Variants in KCNV1 observed in about 807,000 individuals in gnomAD.
KCNV1 encodes potassium voltage-gated channel modifier subfamily V member 1.
KCNV1 carries 2 observed loss-of-function variants against 36.4 expected under a neutral mutation model. The ratio of observed to expected loss-of-function variants is 0.05; its 90% CI spans 0.02 to 0.17. The LOEUF (loss-of-function observed/expected upper bound fraction) is 0.17. KCNV1 is among the 10% of genes least tolerant of loss of function. The probability of loss-of-function intolerance (pLI) is 1.00; values close to 1 mark genes in which losing one functional copy is unlikely to be tolerated. For synonymous variants in KCNV1, 280 were observed against 261.1 expected (o/e 1.07, Z -0.70); for missense variants, 321 against 643.6 (o/e 0.50, Z 5.42).
intron 2 of KCNV1, 24 bp downstream of exon 2, chr8:109,973,904 A>G: frequency 1.9e-6 from 3 of 1,543,464 alleles, no homozygotes; most frequent in Non-Finnish European, 2.6e-6. Context: ...CTCCCCGCCC[A>G]GCCGCCGCGT....
chr8:109,974,425 A>G lies in KCNV1; in HGVS notation c.-37T>C. ...TCGCCGCGGCCTGAGGGCGCCACAA[A>G]GTTGGGGACACGCCGGAAGCTTTGG... On this transcript the variant is annotated 5_prime_UTR_variant, in exon 2 of 4. Coordinates refer to ENST00000524391, the MANE Select transcript of KCNV1 (RefSeq NM_014379.4). This position sits in a 1 kb window ranked among gnomAD's most constrained non-coding sequence, Gnocchi z 6.2. 7.2e-7 allele frequency: 1 copy of G among 1,384,080 alleles called. No homozygotes were observed. The highest frequency in any genetic ancestry group is 9.5e-7 in the Non-Finnish European group (1 of 1,050,272). The allele number at this position is 1,384,080 out of a possible 1,614,324, so 85.7% of individuals were successfully genotyped here.
At position 109,967,838 on chromosome 8, in the gene KCNV1, A is replaced by C. The variant is rs930240904; in HGVS notation, c.*250T>G. 5.3e-6 allele frequency: 2 copies of C among 380,288 alleles called. No homozygotes were observed. The highest frequency in any genetic ancestry group is 9.5e-6 in the Non-Finnish European group (2 of 211,300). The allele number at this position is 380,288 out of a possible 1,614,324, so 23.6% of individuals were successfully genotyped here. ...TTATTTTATATTTGACAATTCAAACATGTTTATATTGGCCCAGTTGTATTT... is the reference window on the plus strand; with the variant it reads ...TTATTTTATATTTGACAATTCAAACCTGTTTATATTGGCCCAGTTGTATTT... On this transcript the variant is annotated 3_prime_UTR_variant, in exon 4 of 4. Transcript: ENST00000524391.
In KCNV1 at chr8:109,967,254, C is replaced by T. The variant is rs148937775; in HGVS notation, c.*834G>A. On this transcript the variant is annotated 3_prime_UTR_variant, in exon 4 of 4. Coordinates refer to ENST00000524391, the MANE Select transcript of KCNV1 (RefSeq NM_014379.4). ...TTCCAGTGTAGAAATTTAGGATGTT[C>T]ACTACCTCACTTTTACATATTCATT... 6.6e-6 allele frequency: 1 copy of T among 152,260 alleles called. No homozygotes were observed. Among genetic ancestry groups the T allele is most frequent in the African/African-American group, 2.4e-5 (1 of 41,564 alleles). The allele number at this position is 152,260 out of a possible 1,614,324, so 9.4% of individuals were successfully genotyped here. A position where few individuals can be genotyped will look rare whatever the true frequency, so the allele number is the denominator to read the frequency against.
intron 3 of KCNV1, among the ~76,000 whole-genome samples, chr8:109,969,852 G>GAAAAAAAAAAAAAAAAAAAA (rs199693742): frequency 1.2e-5 from 1 of 86,492 alleles, no homozygotes; most frequent in African/African-American, 3.5e-5. Flanking sequence ...CTCAAAAAAA[G>GAAAAAAAAAAAAAAAAAAAA]AAAAAAAAAA....
chr8:109,973,750 G>C (rs1042658114), intron 2 of KCNV1, among the ~76,000 whole-genome samples, 178 bp downstream of exon 2: 1 of 152,104 alleles, frequency 6.6e-6, no homozygotes, highest in Admixed American at 6.5e-5. Flanking sequence ...TCAAAAGTTG[G>C]CGTTGATGCT....
At chr8:109,971,540 T>C (rs967817002) in intron 3 of KCNV1, among the ~76,000 whole-genome samples, 4 of 152,166 alleles carry the variant, frequency 2.6e-5, no homozygotes, top group African/African-American at 4.8e-5. Context: ...GTGTGTTATA[T>C]GGAGACTTTT....
rs1156256211 is a variant in KCNV1, at chr8:109,965,459, T to G, written c.*2629A>C. 6.6e-6 allele frequency: 1 copy of G among 152,158 alleles called. No homozygotes were observed. Among genetic ancestry groups the G allele is most frequent in the Non-Finnish European group, 1.5e-5 (1 of 68,026 alleles). The allele number at this position is 152,158 out of a possible 1,614,324, so 9.4% of individuals were successfully genotyped here. Reference sequence around the variant, plus strand: ...CATTCATTGAATAAATAAAATGATATTTTATTTAACAGCAAAATTGAGTAA... The same window carrying G: ...CATTCATTGAATAAATAAAATGATAGTTTATTTAACAGCAAAATTGAGTAA... On this transcript the variant is annotated 3_prime_UTR_variant, in exon 4 of 4. Coordinates refer to ENST00000524391, the MANE Select transcript of KCNV1 (RefSeq NM_014379.4).
In KCNV1 at chr8:109,966,930, A is replaced by C. The variant is rs1016168460; in HGVS notation, c.*1158T>G. 3 of 152,198 alleles carry C rather than the reference A, an allele frequency of 2.0e-5. No homozygotes were observed. Among genetic ancestry groups the C allele is most frequent in the Non-Finnish European group, 2.9e-5 (2 of 68,002 alleles). The allele number at this position is 152,198 out of a possible 1,614,324, so 9.4% of individuals were successfully genotyped here. On this transcript the variant is annotated 3_prime_UTR_variant, in exon 4 of 4. Coordinates refer to ENST00000524391, the MANE Select transcript of KCNV1 (RefSeq NM_014379.4). ...TATTATATTGGAAATGTAGGTATTAAAGTGATGCATTCCTTGTTATTCTTA... is the reference window on the plus strand; with the variant it reads ...TATTATATTGGAAATGTAGGTATTACAGTGATGCATTCCTTGTTATTCTTA...
Position 109,968,347 on chromosome 8 carries a change from G to A in KCNV1, c.1244C>T (p.Ser415Leu). 2 of 1,614,154 alleles carry A rather than the reference G, an allele frequency of 1.2e-6. No homozygotes were observed. Among genetic ancestry groups the A allele is most frequent in the Non-Finnish European group, 1.7e-6 (2 of 1,180,036 alleles). ...AGGCAAGGCCAAGACAAGAATTCCC[G>A]ATAATATACACATGAAGGCCACGAT... Reference protein sequence around the residue: ...GKIVAFMCILSGILVLALPIA... With the variant: ...GKIVAFMCILLGILVLALPIA... The change falls in exon 4 of 4, where the codon TCG becomes TTG. Residue 415 changes from serine to leucine, a missense_variant. This residue lies in a region of KCNV1 where 36 missense variants were observed against 130.5 expected (regional missense o/e 0.28). Coordinates refer to ENST00000524391, the MANE Select transcript of KCNV1 (RefSeq NM_014379.4). The surrounding 1 kb of genome is among the most constrained non-coding windows in gnomAD (Gnocchi z 5.3).
At chr8:109,975,370 C>T (rs1170897231) in intron 1 of KCNV1, among the ~76,000 whole-genome samples, 178 bp from the exon 2 acceptor site, 1 of 152,114 alleles carries the variant, frequency 6.6e-6, no homozygotes, top group Non-Finnish European at 1.5e-5. Flanking sequence ...TCCCGGAGAG[C>T]AGGTGTTCTG....
Position 109,974,385 on chromosome 8 carries a change from G to T in KCNV1, c.4C>A (p.Pro2Thr). 1 of 1,493,910 alleles carries T rather than the reference G, an allele frequency of 6.7e-7. No individual in the cohort carries two copies. Among genetic ancestry groups the T allele is most frequent in the Non-Finnish European group, 8.9e-7 (1 of 1,128,024 alleles). 92.5% of individuals were successfully genotyped at this position (1,493,910 alleles called of 1,614,324 possible). A position where few individuals can be genotyped will look rare whatever the true frequency, so the allele number is the denominator to read the frequency against. ...TCCAGCAGCGCTCTGCCGCTGGAAGGCATCTCTAACCCAGTCGCCGCGGCC... is the reference window on the plus strand; with the variant it reads ...TCCAGCAGCGCTCTGCCGCTGGAAGTCATCTCTAACCCAGTCGCCGCGGCC... M[P>T]SSGRALLDSP... Residue 2 changes from proline (P) to threonine (T), a missense_variant, in exon 2 of 4, where the codon CCT becomes ACT. Transcript: ENST00000524391. The surrounding 1 kb of genome is among the most constrained non-coding windows in gnomAD (Gnocchi z 6.2).
At position 109,966,010 on chromosome 8, in the gene KCNV1, A is replaced by T. The variant is rs1370345156; in HGVS notation, c.*2078T>A. The T allele has an allele frequency of 6.6e-6, 1 of 152,202 alleles. No individual in the cohort carries two copies. Among genetic ancestry groups the T allele is most frequent in the Non-Finnish European group, 1.5e-5 (1 of 68,032 alleles). The allele number at this position is 152,202 out of a possible 1,614,324, so 9.4% of individuals were successfully genotyped here. A position where few individuals can be genotyped will look rare whatever the true frequency, so the allele number is the denominator to read the frequency against. On this transcript the variant is annotated 3_prime_UTR_variant, in exon 4 of 4. Coordinates refer to ENST00000524391, the MANE Select transcript of KCNV1 (RefSeq NM_014379.4). ...ACCTTTGAACAGAATATTAACTACA[A>T]GAAAACAGGACCTAGTCTTGTTTAA... is the stretch of plus-strand genomic sequence containing the variant.
At position 109,975,744 on chromosome 8, in the gene KCNV1, C is replaced by T. The variant is rs1352556417; in HGVS notation, c.-930G>A. On this transcript the variant is annotated 5_prime_UTR_variant, in exon 1 of 4. Coordinates refer to ENST00000524391, the MANE Select transcript of KCNV1 (RefSeq NM_014379.4). ...GTCCAGGAGGGAAACTGTGTTCCAG[C>T]TGAGCTCTACCCAGCGCCTGCTGCC... 3 of 152,892 alleles carry T rather than the reference C, an allele frequency of 2.0e-5. No homozygotes were observed. Among genetic ancestry groups the T allele is most frequent in the Non-Finnish European group, 4.4e-5 (3 of 68,492 alleles). 9.5% of individuals were successfully genotyped at this position (152,892 alleles called of 1,614,324 possible). A position where few individuals can be genotyped will look rare whatever the true frequency, so the allele number is the denominator to read the frequency against.
chr8:109,971,227 T>G (rs1820007010), intron 3 of KCNV1, among the ~76,000 whole-genome samples: 1 of 152,212 alleles, frequency 6.6e-6, no homozygotes, highest in Non-Finnish European at 1.5e-5. Context: ...CTAGGTTTGG[T>G]CCAAGAACCA....
In KCNV1 at chr8:109,974,254, C is replaced by G; in HGVS notation, c.135G>C (p.Val45=). ...GCGAGAGCACGAAGCGGCTGCCGCC[C>G]ACGTTGACCGTGAAGCAGTCCCCGA... ...LALGDCFTVN[V]GGSRFVLSQQ... Residue 45 remains valine (V), a synonymous_variant, in exon 2 of 4, where the codon GTG becomes GTC. Transcript: ENST00000524391. The surrounding 1 kb of genome is among the most constrained non-coding windows in gnomAD (Gnocchi z 6.2). The G allele has an allele frequency of 6.4e-7, 1 of 1,557,748 alleles. No homozygotes were observed. The highest frequency in any genetic ancestry group is 8.7e-7 in the Non-Finnish European group (1 of 1,152,766).
chr8:109,973,864 T>G, intron 2 of KCNV1, 64 bp downstream of exon 2: 3 of 1,129,592 alleles, frequency 2.7e-6, no homozygotes, highest in Non-Finnish European at 3.6e-6. Context: ...AATCTACCTG[T>G]GCCTTCCTCT....
chr8:109,968,733 G>A lies in KCNV1; in HGVS notation c.992-134C>T. 1.2e-6 allele frequency: 1 copy of A among 827,362 alleles called. No individual in the cohort carries two copies. The highest frequency in any genetic ancestry group is 1.8e-6 in the Non-Finnish European group (1 of 551,178). 51.3% of individuals were successfully genotyped at this position (827,362 alleles called of 1,614,324 possible). ...TTAAATGTCCCCAGCACTGGGCAAT[G>A]TTCTGGGGATACAAAGTTGATTAAA... On this transcript the variant is annotated intron_variant, in intron 3 of 3. Coordinates refer to ENST00000524391, the MANE Select transcript of KCNV1 (RefSeq NM_014379.4). This position sits in a 1 kb window ranked among gnomAD's most constrained non-coding sequence, Gnocchi z 5.3.
rs757979003 is a variant in KCNV1 at position 109,968,549 on chromosome 8, G to A, written c.1042C>T (p.Leu348=). Residue 348 remains leucine (L), a synonymous_variant, in exon 4 of 4, where the codon CTA becomes TTA. Transcript: ENST00000524391. This position sits in a 1 kb window ranked among gnomAD's most constrained non-coding sequence, Gnocchi z 5.3. The part of the protein sequence containing the change: ...TITQCYEEVG[L]LLLFLSVGIS... Reference sequence around the variant, plus strand: ...CCCACGGATAGAAATAGGAGCAGTAGGCCGACTTCTTCGTAACACTGGGTG... The same window carrying A: ...CCCACGGATAGAAATAGGAGCAGTAAGCCGACTTCTTCGTAACACTGGGTG... 1.1e-5 allele frequency: 18 copies of A among 1,604,174 alleles called. No homozygotes were observed. Among genetic ancestry groups the A allele is most frequent in the Admixed American group, 5.0e-5 (3 of 59,820 alleles).
In KCNV1 at chr8:109,974,636, G is replaced by A. The variant is rs969765834; in HGVS notation, c.-248C>T. 3.5e-6 allele frequency: 2 copies of A among 565,310 alleles called. No individual in the cohort carries two copies. Among genetic ancestry groups the A allele is most frequent in the South Asian group, 2.2e-5 (1 of 45,352 alleles). The allele number at this position is 565,310 out of a possible 1,614,324, so 35.0% of individuals were successfully genotyped here. A position where few individuals can be genotyped will look rare whatever the true frequency, so the allele number is the denominator to read the frequency against. ...AAGAGGAGACAGGGAGCAGAGGAAG[G>A]GTCGCGCTAAGAGAGAGGATCAGGT... On this transcript the variant is annotated 5_prime_UTR_variant, in exon 2 of 4. Coordinates refer to ENST00000524391, the MANE Select transcript of KCNV1 (RefSeq NM_014379.4). The surrounding 1 kb of genome is among the most constrained non-coding windows in gnomAD (Gnocchi z 6.2).
Sources: allele counts gnomAD v4.1 joint callset (sites outside exome capture counted in the v4.1 genomes callset), GRCh38; gene constraint gnomAD v4.1.1; regional missense constraint gnomAD v4.1.1; non-coding constraint Gnocchi (gnomAD v3.1); transcripts MANE v1.5; gene names NCBI Gene and HGNC (gene_info 2026-07-23, HGNC 2026-07-21).